The following CNBD1 variants were observed in gnomAD, a reference collection of about 807,000 sequenced individuals.
The protein encoded by CNBD1 is cyclic nucleotide-binding domain-containing protein 1.
A neutral mutation model predicts 54.4 loss-of-function variants in CNBD1; 71 were observed. The ratio of observed to expected loss-of-function variants is 1.30; its 90% CI spans 1.08 to 1.59. The LOEUF (loss-of-function observed/expected upper bound fraction) is 1.59. Among genes scored for constraint, CNBD1 ranks in the 40% most tolerant of loss-of-function variants. The pLI is 0.00. For missense variants in CNBD1, 659 were observed against 518.0 expected, an observed-to-expected ratio of 1.27 and a Z score of -2.64; for synonymous variants, 182 against 170.7, an observed-to-expected ratio of 1.07 and a Z score of -0.51.
chr8:87,169,202 ATT>A (rs923336339), intron 4 of CNBD1, among the ~76,000 whole-genome samples: 2 of 151,800 alleles, frequency 1.3e-5, no homozygotes, highest in African/African-American at 4.8e-5. Flanking sequence ...TTTCATACAC[ATT>A]TTCCATTTGT....
chr8:86,931,657 C>T (rs189115917), intron 3 of CNBD1, among the ~76,000 whole-genome samples: 82 of 152,216 alleles, frequency 5.4e-4, no homozygotes, highest in African/African-American at 1.9e-3. Flanking sequence ...CTCTTTGTCC[C>T]TATTATAGAA....
intron 4 of CNBD1, among the ~76,000 whole-genome samples, chr8:87,042,902 A>G (rs1810103046): frequency 6.6e-6 from 1 of 152,170 alleles, no homozygotes; most frequent in Admixed American, 6.5e-5. Context: ...CAGATTTATA[A>G]TGCACATAAA....
chr8:87,272,561 A>G (rs972102173), intron 6 of CNBD1, among the ~76,000 whole-genome samples: 1 of 151,966 alleles, frequency 6.6e-6, no homozygotes, highest in African/African-American at 2.4e-5. Context: ...GACAGGAGCA[A>G]TGTTTCTAGT....
chr8:87,261,870 G>T (rs1808145971), intron 6 of CNBD1, among the ~76,000 whole-genome samples: 1 of 152,040 alleles, frequency 6.6e-6, no homozygotes. Context: ...CATAGGCCAG[G>T]TGCAGTGGCT....
At chr8:87,326,502 T>C (rs1204538457) in intron 8 of CNBD1, among the ~76,000 whole-genome samples, 3,169 of 95,380 alleles carry the variant, frequency 0.033, 69 homozygotes, top group Middle Eastern at 0.071. Flanking sequence ...TTTGCTCATT[T>C]CTTTTTATTC....
Position 87,351,732 on chromosome 8 carries a change from T to C in CNBD1, c.1090T>C (p.Ser364Pro), listed in dbSNP as rs375024833. 48 of 1,538,128 alleles carry C rather than the reference T, an allele frequency of 3.1e-5. No homozygotes were observed. The highest frequency in any genetic ancestry group is 4.1e-5 in the Non-Finnish European group (47 of 1,147,028). The change falls in exon 9 of 11, where the codon TCT (serine) becomes CCT (proline). Residue 364 changes from serine (S) to proline (P), a missense_variant. Ser to Pro is a moderately conservative substitution (Grantham distance 74, BLOSUM62 -1). Transcript: ENST00000518476. ...NIISFVGYIN[S>P]GCCNIYRSII... The stretch of plus-strand genomic sequence containing the variant: ...AATTTCTTTTGTGGGTTATATTAAC[T>C]CTGGATGCTGTAACATTTATAGAAG...
intron 5 of CNBD1, among the ~76,000 whole-genome samples, chr8:87,211,880 C>A (rs986819231): frequency 3.3e-5 from 5 of 152,122 alleles, no homozygotes; most frequent in Admixed American, 1.3e-4. Context: ...ATATAATGAA[C>A]AAGTTCAGAT....
chr8:87,424,428 C>A (rs1808006346), intron 2 of CNBD1, among the ~76,000 whole-genome samples: 1 of 152,134 alleles, frequency 6.6e-6, no homozygotes, highest in Non-Finnish European at 1.5e-5. Context: ...TATAAGTTTC[C>A]CTCTACACAC....
intron 2 of CNBD1, among the ~76,000 whole-genome samples, chr8:87,414,159 T>G (rs1038284197): frequency 2.0e-5 from 3 of 151,942 alleles, no homozygotes; most frequent in African/African-American, 4.8e-5. Context: ...TAAGAAAATG[T>G]GGCACATATA....
At chr8:87,092,471 A>G (rs772718567) in intron 4 of CNBD1, among the ~76,000 whole-genome samples, 10 of 141,552 alleles carry the variant, frequency 7.1e-5, no homozygotes, top group Non-Finnish European at 9.2e-5. Flanking sequence ...GTGTGTGTGT[A>G]TATATATACA....
At chr8:87,062,711 G>T (rs2130641551) in intron 4 of CNBD1, among the ~76,000 whole-genome samples, 1 of 151,432 alleles carries the variant, frequency 6.6e-6, no homozygotes, top group South Asian at 2.1e-4. Flanking sequence ...ACTCCAGCCT[G>T]AGCCACAAGA....
At chr8:87,273,443 T>A (rs910462729) in intron 6 of CNBD1, among the ~76,000 whole-genome samples, 1 of 151,954 alleles carries the variant, frequency 6.6e-6, no homozygotes, top group Non-Finnish European at 1.5e-5. Flanking sequence ...ATGCTGAAGG[T>A]TTTGTTTCTC....
intron 2 of CNBD1, among the ~76,000 whole-genome samples, chr8:87,390,515 A>C (rs894064498): frequency 1.3e-5 from 2 of 152,194 alleles, no homozygotes; most frequent in Admixed American, 6.5e-5. Flanking sequence ...GGCCATCAGA[A>C]AAATGCAAAT....
chr8:87,107,188 A>C (rs55969838), intron 4 of CNBD1, among the ~76,000 whole-genome samples: 3,021 of 151,936 alleles, frequency 0.02, 100 homozygotes, highest in African/African-American at 0.069. Flanking sequence ...CCAGAACTAA[A>C]CTCTTGGTTT....
At chr8:86,919,030 TAAAAAA>T (rs199682652) in intron 3 of CNBD1, among the ~76,000 whole-genome samples, 7 of 150,838 alleles carry the variant, frequency 4.6e-5, no homozygotes, top group African/African-American at 1.7e-4. Flanking sequence ...CTTTTTTTTT[TAAAAAA>T]AAAGAGAAAG....
intron 9 of CNBD1, among the ~76,000 whole-genome samples, chr8:87,352,354 C>A (rs1044278046): frequency 6.6e-6 from 1 of 151,806 alleles, no homozygotes; most frequent in East Asian, 1.9e-4. Context: ...GTGGTGCACA[C>A]CTGTAGTCCC....
intron 4 of CNBD1, among the ~76,000 whole-genome samples, chr8:87,031,155 TA>T (rs1563442081): frequency 6.6e-6 from 1 of 151,420 alleles, no homozygotes; most frequent in African/African-American, 2.4e-5. Context: ...GGCAAGGGAA[TA>T]GGGGGTTAGA....
rs759679582 is a variant in CNBD1, at chr8:87,029,351, A to G, written c.431+89597A>G. ...AATCACAGTCATGGTAATTTTCAGC[A>G]CTTAGTTGTAAGTAATATTTTCAAA... On this transcript the variant is annotated intron_variant, in intron 4 of 10. Transcript: ENST00000518476. Among the ~76,000 whole-genome samples, 8 of 152,194 alleles carry G rather than the reference A, an allele frequency of 5.3e-5. 1 individual carries two copies. The South Asian group carries it at 6.2e-4, about 12-fold the overall frequency.
At chr8:87,207,412 TTAA>T (rs1813998590) in intron 5 of CNBD1, among the ~76,000 whole-genome samples, 1 of 151,974 alleles carries the variant, frequency 6.6e-6, no homozygotes. Flanking sequence ...GCAAATTATA[TTAA>T]TAACACATTT....
Sources: gnomAD v4.1 joint callset for allele counts (sites outside exome capture counted in the v4.1 genomes callset) on GRCh38, gnomAD v4.1.1 for gene constraint, MANE v1.5 for transcripts, NCBI Gene and HGNC (gene_info 2026-07-23, HGNC 2026-07-21) for gene names.